The following GRM7 variants were observed in gnomAD, a reference collection of about 807,000 sequenced individuals.
The protein encoded by GRM7 is glutamate metabotropic receptor 7.
GRM7 carries 35 observed loss-of-function variants against 84.5 expected under a neutral mutation model. The observed-to-expected ratio is 0.41, with a 90% CI of 0.32 to 0.55. GRM7 has a LOEUF of 0.55. Among genes scored for constraint, GRM7 ranks in the 20% least tolerant of loss-of-function variants. The pLI is 0.19. For missense variants in GRM7, 1,003 were observed against 1,194.6 expected, an observed-to-expected ratio of 0.84 and a Z score of 2.36; for synonymous variants, 487 against 455.1, an observed-to-expected ratio of 1.07 and a Z score of -0.89.
At chr3:7,605,941 T>C (rs1338430947) in intron 8 of GRM7, among the ~76,000 whole-genome samples, 1 of 152,162 alleles carries the variant, frequency 6.6e-6, no homozygotes, top group African/African-American at 2.4e-5. Context: ...TAACACTTTA[T>C]AAAAACAGGT....
At chr3:7,621,275 A>C (rs1697340251) in intron 8 of GRM7, among the ~76,000 whole-genome samples, 1 of 152,118 alleles carries the variant, frequency 6.6e-6, no homozygotes, top group African/African-American at 2.4e-5. Context: ...TATGCTGTGG[A>C]GAGTCGAGAA....
intron 2 of GRM7, among the ~76,000 whole-genome samples, chr3:7,187,582 C>T (rs1243105446): frequency 6.6e-6 from 1 of 152,166 alleles, no homozygotes; most frequent in Non-Finnish European, 1.5e-5. Context: ...GGCGTTGCAG[C>T]TCCGTGATTG....
chr3:7,450,482 T>C (rs1208194450), intron 5 of GRM7, among the ~76,000 whole-genome samples: 6 of 152,186 alleles, frequency 3.9e-5, no homozygotes, highest in African/African-American at 7.2e-5. Flanking sequence ...TACAGGCATA[T>C]GCAGAAGGCT....
intron 4 of GRM7, among the ~76,000 whole-genome samples, chr3:7,398,224 C>T (rs1695295231): frequency 6.6e-6 from 1 of 152,132 alleles, no homozygotes; most frequent in Non-Finnish European, 1.5e-5. Context: ...TGCTTCAAAA[C>T]ATCAGTATTC....
intron 1 of GRM7, among the ~76,000 whole-genome samples, chr3:6,989,300 A>T (rs1559370092): frequency 6.6e-6 from 1 of 152,234 alleles, no homozygotes; most frequent in Non-Finnish European, 1.5e-5. Flanking sequence ...TTAGGAAAAC[A>T]CAGATCAACA....
At chr3:7,047,824 G>T (rs10510342) in intron 1 of GRM7, among the ~76,000 whole-genome samples, 48,081 of 151,788 alleles carry the variant, frequency 0.32, 8,287 homozygotes, top group African/African-American at 0.45. Flanking sequence ...CAGAGAGTTT[G>T]GTTATTGATT....
At chr3:7,277,617 T>G (rs1447482634) in intron 2 of GRM7, among the ~76,000 whole-genome samples, 1 of 152,164 alleles carries the variant, frequency 6.6e-6, no homozygotes, top group African/African-American at 2.4e-5. Flanking sequence ...CCATCCTATT[T>G]CCTTTCTTAC....
At position 7,022,376 on chromosome 3, in the gene GRM7, C is replaced by G. The variant is rs1263323951; in HGVS notation, c.520-124076C>G. Among the ~76,000 whole-genome samples, 7 of 151,346 alleles carry G rather than the reference C, an allele frequency of 4.6e-5. No homozygotes were observed. The East Asian group carries it at 1.2e-3, about 25-fold the overall frequency. ...ATATATACACACACATGCACACACA[C>G]ACACACACACCAGTGGTCAATGATA... On this transcript the variant is annotated intron_variant, in intron 1 of 9. Coordinates refer to ENST00000357716, the MANE Select transcript of GRM7 (RefSeq NM_000844.4).
intron 1 of GRM7, among the ~76,000 whole-genome samples, chr3:7,044,575 C>T (rs1421300156): frequency 6.6e-6 from 1 of 152,120 alleles, no homozygotes; most frequent in Non-Finnish European, 1.5e-5. Flanking sequence ...GCCGCAGTGA[C>T]GTTTTATTAG....
chr3:7,632,255 A>G (rs1412588851), intron 8 of GRM7, among the ~76,000 whole-genome samples: 3 of 152,192 alleles, frequency 2.0e-5, no homozygotes, highest in Non-Finnish European at 1.5e-5. Flanking sequence ...GACTTGATTT[A>G]CATTTCCCCC....
At chr3:7,508,319 AT>A (rs1443596952) in intron 7 of GRM7, among the ~76,000 whole-genome samples, 1 of 152,158 alleles carries the variant, frequency 6.6e-6, no homozygotes, top group African/African-American at 2.4e-5. Flanking sequence ...AATAGTTGAG[AT>A]TTTTGAGAGA....
In GRM7 at chr3:7,388,318, C is replaced by T. The variant is rs368842194; in HGVS notation, c.1034-26705C>T. Among the ~76,000 whole-genome samples the T allele has an allele frequency of 4.6e-5, 7 of 151,952 alleles. No homozygotes were observed. In the East Asian group the frequency reaches 9.7e-4, roughly 21 times the overall value. On this transcript the variant is annotated intron_variant, in intron 4 of 9. Coordinates refer to ENST00000357716, the MANE Select transcript of GRM7 (RefSeq NM_000844.4). ...GCCTGATCACTCTGGCTGGGACTTCCGGATGTGCTGCTGGGTTCAGTTTGC... is the reference window on the plus strand; with the variant it reads ...GCCTGATCACTCTGGCTGGGACTTCTGGATGTGCTGCTGGGTTCAGTTTGC...
intron 2 of GRM7, among the ~76,000 whole-genome samples, chr3:7,240,766 A>G (rs1697529451): frequency 6.6e-6 from 1 of 152,178 alleles, no homozygotes; most frequent in Admixed American, 6.5e-5. Flanking sequence ...GTAAGCCCAA[A>G]TGTAGACACA....
In GRM7 at chr3:7,199,890, G is replaced by T. The variant is rs151078763; in HGVS notation, c.736+53222G>T. On this transcript the variant is annotated intron_variant, in intron 2 of 9. Transcript: ENST00000357716. The stretch of plus-strand genomic sequence containing the variant: ...AACATCATGCCAGACCTTCTGTCTT[G>T]GTCCATTTTGTGTTGCTATAATGAA... Among the ~76,000 whole-genome samples the T allele has an allele frequency of 5.7e-4, 86 of 152,176 alleles. 1 individual carries two copies. The highest frequency in any genetic ancestry group is 6.8e-3 in the Middle Eastern group (2 of 294).
intron 1 of GRM7, among the ~76,000 whole-genome samples, chr3:7,081,072 C>A (rs1371494183): frequency 6.6e-6 from 1 of 152,016 alleles, no homozygotes; most frequent in African/African-American, 2.4e-5. Flanking sequence ...CTTGTTGTCT[C>A]CCCTCGTTGT....
At chr3:7,544,277 C>T (rs1387559872) in intron 7 of GRM7, among the ~76,000 whole-genome samples, 3 of 152,186 alleles carry the variant, frequency 2.0e-5, no homozygotes, top group African/African-American at 7.2e-5. Context: ...AAGCTCCTGC[C>T]TTAGCCTCTT....
At chr3:7,065,232 G>T (rs1270760856) in intron 1 of GRM7, among the ~76,000 whole-genome samples, 2 of 151,870 alleles carry the variant, frequency 1.3e-5, no homozygotes, top group African/African-American at 4.8e-5. Context: ...TATTGCATTT[G>T]CTTTTGGGTT....
intron 2 of GRM7, among the ~76,000 whole-genome samples, chr3:7,257,309 A>G (rs1160364512): frequency 1.3e-5 from 2 of 152,234 alleles, no homozygotes; most frequent in Admixed American, 1.3e-4. Flanking sequence ...ACATCCACCC[A>G]GAAAGTTATT....
chr3:7,594,041 C>G (rs927686289), intron 8 of GRM7, among the ~76,000 whole-genome samples: 1 of 152,058 alleles, frequency 6.6e-6, no homozygotes, highest in East Asian at 1.9e-4. Context: ...ATTATGTAGG[C>G]AAGGGTCTAC....
Sources: gnomAD v4.1 joint callset for allele counts (sites outside exome capture counted in the v4.1 genomes callset) on GRCh38, gnomAD v4.1.1 for gene constraint, MANE v1.5 for transcripts, NCBI Gene and HGNC (gene_info 2026-07-23, HGNC 2026-07-21) for gene names.